Variants in SUPT3H observed in about 807,000 individuals in gnomAD.
SUPT3H encodes the protein transcription initiation protein SPT3 homolog.
A neutral mutation model predicts 44.3 loss-of-function variants in SUPT3H; 44 were observed. The ratio of observed to expected loss-of-function variants is 0.99; its 90% CI spans 0.78 to 1.28. The LOEUF is 1.28. Among genes scored for constraint, SUPT3H ranks in the 50% most tolerant of loss-of-function variants. The pLI, the probability that SUPT3H is intolerant of heterozygous loss-of-function variation, is 0.00. For synonymous variants in SUPT3H, 124 were observed against 125.6 expected (o/e 0.99, Z 0.09); for missense variants, 380 against 387.1 (o/e 0.98, Z 0.15).
At chr6:45,312,938 T>C (rs1439259070) in intron 2 of SUPT3H, among the ~76,000 whole-genome samples, 3 of 152,118 alleles carry the variant, frequency 2.0e-5, no homozygotes, top group Non-Finnish European at 2.9e-5. Flanking sequence ...TATCAAGCAC[T>C]TTCTCAGACC....
At chr6:45,306,973 C>T (rs1028122530) in intron 2 of SUPT3H, among the ~76,000 whole-genome samples, 2 of 152,214 alleles carry the variant, frequency 1.3e-5, no homozygotes, top group Admixed American at 1.3e-4. Context: ...GAGATTATAT[C>T]CCGCACCTGG....
intron 2 of SUPT3H, among the ~76,000 whole-genome samples, chr6:45,296,678 G>A (rs1388885804): frequency 4.3e-5 from 6 of 139,186 alleles, no homozygotes; most frequent in Admixed American, 2.4e-4. Context: ...CACGGAGGTT[G>A]CAGTGAGCTG....
At position 45,324,399 on chromosome 6, in the gene SUPT3H, T is replaced by C. The variant is rs1786022551; in HGVS notation, c.101+40802A>G. Among the ~76,000 whole-genome samples the C allele has an allele frequency of 3.3e-5, 5 of 152,036 alleles. 1 individual carries two copies. The highest frequency in any genetic ancestry group is 3.3e-4 in the Admixed American group (5 of 15,234). ...TATCTAACAACTGAGGCATTACATA[T>C]TAGAATATAACAATTTCTAATGAAT... On this transcript the variant is annotated intron_variant, in intron 2 of 10. Coordinates refer to ENST00000371459, the MANE Select transcript of SUPT3H (RefSeq NM_003599.4).
At chr6:44,956,312 A>G (rs1239054453) in intron 7 of SUPT3H, among the ~76,000 whole-genome samples, 56 of 150,120 alleles carry the variant, frequency 3.7e-4, no homozygotes, top group Non-Finnish European at 6.8e-4. Flanking sequence ...GTGAAACCCC[A>G]TCTCTACTAA....
In SUPT3H at chr6:44,820,091, C is replaced by T. The variant is rs1266396639; in HGVS notation, c.*52+9673G>A. On this transcript the variant is annotated intron_variant and NMD_transcript_variant, in intron 11 of 11. Transcript: ENST00000475057. ...AATATTAGCCGGGCATGGTGGCATG[C>T]GCCTGTGGTCCCAGCTACTCAGGAG... Among the ~76,000 whole-genome samples the T allele has an allele frequency of 8.0e-5, 12 of 150,702 alleles. No homozygotes were observed. In the East Asian group the frequency reaches 1.8e-3, roughly 23 times the overall value.
chr6:45,332,856 G>C (rs1159181364), intron 2 of SUPT3H, among the ~76,000 whole-genome samples: 1 of 151,668 alleles, frequency 6.6e-6, no homozygotes, highest in East Asian at 1.9e-4. Context: ...GGTGCTAGCA[G>C]ATCCAATGGT....
intron 2 of SUPT3H, chr6:45,328,810 TG>T: frequency 6.2e-7 from 1 of 1,606,304 alleles, no homozygotes; most frequent in Non-Finnish European, 8.5e-7. Context: ...TTTAAAATCC[TG>T]TAAGATATGA....
intron 2 of SUPT3H, among the ~76,000 whole-genome samples, chr6:45,284,816 T>C (rs910932994): frequency 1.3e-5 from 2 of 152,052 alleles, no homozygotes; most frequent in East Asian, 1.9e-4. Context: ...GACCAATATC[T>C]CTGATGAACA....
intron 2 of SUPT3H, among the ~76,000 whole-genome samples, chr6:45,282,727 A>C (rs575993725): frequency 1.3e-5 from 2 of 152,302 alleles, no homozygotes; most frequent in South Asian, 2.1e-4. Flanking sequence ...GTCAGGAAAT[A>C]CAGAGAACGC....
intron 10 of SUPT3H, among the ~76,000 whole-genome samples, chr6:44,862,870 G>A (rs1038133135): frequency 1.3e-5 from 2 of 151,980 alleles, no homozygotes; most frequent in African/African-American, 4.8e-5. Flanking sequence ...CCTTGAACCT[G>A]ATCAAACAAT....
At chr6:45,154,437 A>G (rs939654510) in intron 2 of SUPT3H, among the ~76,000 whole-genome samples, 11 of 152,178 alleles carry the variant, frequency 7.2e-5, no homozygotes, top group African/African-American at 2.2e-4. Context: ...CCTCCCAAGA[A>G]TCTCATCAAA....
chr6:45,376,309 T>C (rs1013214421), intron 1 of SUPT3H, among the ~76,000 whole-genome samples: 5 of 152,230 alleles, frequency 3.3e-5, no homozygotes, highest in African/African-American at 1.2e-4. Context: ...AGCTGGCTTA[T>C]CTGATTTAAA....
At chr6:45,062,463 A>G (rs574580354) in intron 3 of SUPT3H, among the ~76,000 whole-genome samples, 186 of 152,144 alleles carry the variant, frequency 1.2e-3, no homozygotes, top group African/African-American at 4.0e-3. Flanking sequence ...AGGAGCCAAG[A>G]TGGCCGAATA....
At chr6:44,885,074 C>T (rs1297617436) in intron 10 of SUPT3H, among the ~76,000 whole-genome samples, 2 of 151,624 alleles carry the variant, frequency 1.3e-5, no homozygotes, top group African/African-American at 2.4e-5. Context: ...GGGGCACCCG[C>T]CATTGCCCAG....
rs562351350 is a variant in SUPT3H at position 45,228,474 on chromosome 6, T to C, written c.102-122468A>G. Among the ~76,000 whole-genome samples the C allele has an allele frequency of 4.1e-3, 631 of 152,232 alleles. 5 individuals are homozygous for C. The highest frequency in any genetic ancestry group is 0.015 in the African/African-American group (605 of 41,524). ...CTGAAACATTGCCTTTTCCTGGTTATATAGGAGCTTCTAGCCTTCAGATTC... is the reference window on the plus strand; with the variant it reads ...CTGAAACATTGCCTTTTCCTGGTTACATAGGAGCTTCTAGCCTTCAGATTC... On this transcript the variant is annotated intron_variant, in intron 2 of 10. Coordinates refer to ENST00000371459, the MANE Select transcript of SUPT3H (RefSeq NM_003599.4).
intron 2 of SUPT3H, among the ~76,000 whole-genome samples, chr6:45,331,522 A>C (rs937442085): frequency 6.6e-5 from 10 of 152,008 alleles, no homozygotes; most frequent in Non-Finnish European, 1.0e-4. Flanking sequence ...CAAAGTTAAG[A>C]ACAAACACAG....
chr6:45,286,105 T>A (rs1370217274), intron 2 of SUPT3H, among the ~76,000 whole-genome samples: 1 of 151,270 alleles, frequency 6.6e-6, no homozygotes, highest in Non-Finnish European at 1.5e-5. Context: ...TCAAGATGGA[T>A]TAAAGACTTA....
chr6:45,306,078 C>T (rs866621789), intron 2 of SUPT3H, among the ~76,000 whole-genome samples: 2 of 152,380 alleles, frequency 1.3e-5, no homozygotes, highest in South Asian at 4.1e-4. Flanking sequence ...GAGGTGCCTA[C>T]ATGATACATA....
intron 10 of SUPT3H, among the ~76,000 whole-genome samples, chr6:44,907,777 T>C (rs768355073): frequency 8.5e-5 from 13 of 152,248 alleles, no homozygotes; most frequent in Admixed American, 2.0e-4. Context: ...GTACACAACA[T>C]GGCTGTCTCC....
Sources: gnomAD v4.1 joint callset for allele counts (sites outside exome capture counted in the v4.1 genomes callset) on GRCh38, gnomAD v4.1.1 for gene constraint, MANE v1.5 for transcripts, NCBI Gene and HGNC (gene_info 2026-07-23, HGNC 2026-07-21) for gene names.